The following GMDS variants were observed in gnomAD, a reference collection of about 807,000 sequenced individuals.
The protein encoded by GMDS is GDP-mannose 4,6 dehydratase.
Under a neutral mutation model 49.9 loss-of-function variants are expected in GMDS, and 20 were observed. The observed-to-expected ratio is 0.40, with a 90% CI of 0.28 to 0.58. GMDS has a LOEUF of 0.58. Among genes scored for constraint, GMDS ranks in the 20% least tolerant of loss-of-function variants. The pLI is 0.42. For missense variants in GMDS, 362 were observed against 481.4 expected, an observed-to-expected ratio of 0.75 and a Z score of 2.32; for synonymous variants, 177 against 178.6, an observed-to-expected ratio of 0.99 and a Z score of 0.07.
chr6:1,773,966 T>A lies in GMDS; in HGVS notation c.772-31380A>T, dbSNP rs560883645. 2.0e-5 allele frequency among the ~76,000 whole-genome samples: 3 copies of A among 152,288 alleles called. No individual in the cohort carries two copies. In the East Asian group the frequency reaches 5.8e-4, roughly 29 times the overall value. ...TTGAAAAACAGGAACTAAACTGAAT[T>A]TTGAGTAGTAGCTTTAATTTAAAGC... On this transcript the variant is annotated intron_variant, in intron 7 of 10. Transcript: ENST00000380815.
intron 7 of GMDS, among the ~76,000 whole-genome samples, chr6:1,875,317 TACACAC>T (rs56053544): frequency 0.38 from 56,330 of 149,816 alleles, 11,322 homozygotes; most frequent in African/African-American, 0.54. Context: ...TTTTTGTATT[TACACAC>T]ACACACACAC....
intron 8 of GMDS, among the ~76,000 whole-genome samples, chr6:1,742,236 A>G (rs1767302745): frequency 6.6e-6 from 1 of 152,162 alleles, no homozygotes; most frequent in South Asian, 2.1e-4. Flanking sequence ...ATCTTAAAAG[A>G]AAGATGAAAG....
At chr6:1,745,688 A>G (rs1252401427) in intron 7 of GMDS, among the ~76,000 whole-genome samples, 1 of 152,196 alleles carries the variant, frequency 6.6e-6, no homozygotes, top group African/African-American at 2.4e-5. Flanking sequence ...TCTAAAGTTC[A>G]TATTGTACCA....
intron 4 of GMDS, among the ~76,000 whole-genome samples, chr6:2,017,733 T>C (rs1269144589): frequency 6.6e-6 from 1 of 152,218 alleles, no homozygotes; most frequent in African/African-American, 2.4e-5. Flanking sequence ...GACTGAAGTC[T>C]TAATCATGGA....
intron 3 of GMDS, 143 bp from the exon 4 acceptor site, chr6:2,116,023 C>G (rs1230630081): frequency 1.7e-6 from 1 of 576,890 alleles, no homozygotes; most frequent in Non-Finnish European, 3.1e-6. Context: ...TCTGGAGTAG[C>G]AGAATATAAC....
intron 9 of GMDS, among the ~76,000 whole-genome samples, chr6:1,637,787 GC>G (rs1157221614): frequency 6.6e-6 from 1 of 152,208 alleles, no homozygotes; most frequent in Non-Finnish European, 1.5e-5. Context: ...TTCCCCGAGG[GC>G]CCTTAGACCA....
rs1762997995 is a variant in GMDS, at chr6:1,631,465, T to C, written c.988-6925A>G. 2.0e-5 allele frequency among the ~76,000 whole-genome samples: 3 copies of C among 152,140 alleles called. No individual in the cohort carries two copies. The South Asian group carries it at 6.2e-4, about 32-fold the overall frequency. Reference sequence around the variant, plus strand: ...CTTAAGCTTGTTTCCTTCTAGTTTGTTAGGAAATCTACCCACCTCTTAGAA... The same window carrying C: ...CTTAAGCTTGTTTCCTTCTAGTTTGCTAGGAAATCTACCCACCTCTTAGAA... On this transcript the variant is annotated intron_variant, in intron 9 of 10. Transcript: ENST00000380815.
intron 7 of GMDS, among the ~76,000 whole-genome samples, chr6:1,834,928 A>G (rs1756854299): frequency 6.6e-6 from 1 of 152,160 alleles, no homozygotes; most frequent in Non-Finnish European, 1.5e-5. Flanking sequence ...TTTCAACTTA[A>G]TGTCTCTGAG....
At chr6:1,815,458 C>G (rs1020184967) in intron 7 of GMDS, among the ~76,000 whole-genome samples, 49 of 152,314 alleles carry the variant, frequency 3.2e-4, no homozygotes, top group African/African-American at 1.2e-3. Context: ...TTATTGATCC[C>G]ACTGAATAGA....
chr6:2,129,649 A>G (rs1258750177), intron 1 of GMDS, among the ~76,000 whole-genome samples: 1 of 152,206 alleles, frequency 6.6e-6, no homozygotes, highest in African/African-American at 2.4e-5. Context: ...CTTTAACTCC[A>G]TGTTGTCTAA....
chr6:1,974,796 C>G (rs371503241), intron 4 of GMDS, among the ~76,000 whole-genome samples: 1 of 150,950 alleles, frequency 6.6e-6, no homozygotes, highest in African/African-American at 2.4e-5. Context: ...TTTGGGAGGC[C>G]GAGGCGGGCA....
At chr6:2,177,746 A>G (rs1292992723) in intron 1 of GMDS, among the ~76,000 whole-genome samples, 1 of 152,184 alleles carries the variant, frequency 6.6e-6, no homozygotes, top group Non-Finnish European at 1.5e-5. Flanking sequence ...CATACTCAAC[A>G]GGCAAAAGCT....
intron 4 of GMDS, among the ~76,000 whole-genome samples, chr6:2,034,887 G>A (rs547213793): frequency 1.3e-5 from 2 of 152,258 alleles, no homozygotes; most frequent in South Asian, 4.2e-4. Context: ...TGGAAGGTAG[G>A]CATCATTCCC....
chr6:2,128,788 C>A (rs1775584576), intron 1 of GMDS, among the ~76,000 whole-genome samples: 1 of 152,200 alleles, frequency 6.6e-6, no homozygotes, highest in Non-Finnish European at 1.5e-5. Flanking sequence ...AATCAAGTGA[C>A]CCAAATGCAG....
chr6:2,200,986 G>GT, intron 1 of GMDS, among the ~76,000 whole-genome samples: 1 of 144,678 alleles, frequency 6.9e-6, no homozygotes, highest in Non-Finnish European at 1.5e-5. Context: ...CATCCGAGAT[G>GT]AACCAATCTA....
chr6:1,866,790 C>T (rs1459097530), intron 7 of GMDS, among the ~76,000 whole-genome samples: 1 of 152,166 alleles, frequency 6.6e-6, no homozygotes. Flanking sequence ...AGTACACTTG[C>T]CACACAGTGC....
intron 7 of GMDS, among the ~76,000 whole-genome samples, chr6:1,781,659 T>G (rs1012896360): frequency 1.3e-5 from 2 of 152,198 alleles, no homozygotes; most frequent in Non-Finnish European, 2.9e-5. Context: ...CTCTGAATTG[T>G]CAGCCGGGAG....
intron 4 of GMDS, among the ~76,000 whole-genome samples, chr6:2,099,348 A>AAT (rs1773793969): frequency 6.6e-6 from 1 of 152,148 alleles, no homozygotes; most frequent in Non-Finnish European, 1.5e-5. Flanking sequence ...CTATACAGTC[A>AAT]ATATAGTTAC....
intron 7 of GMDS, among the ~76,000 whole-genome samples, chr6:1,909,079 T>C (rs974175962): frequency 6.6e-5 from 10 of 152,220 alleles, no homozygotes; most frequent in Admixed American, 3.3e-4. Flanking sequence ...GGTCAAGTTA[T>C]AAACGTTTAA....
Sources: gnomAD v4.1 joint callset for allele counts (sites outside exome capture counted in the v4.1 genomes callset) on GRCh38, gnomAD v4.1.1 for gene constraint, MANE v1.5 for transcripts, NCBI Gene and HGNC (gene_info 2026-07-23, HGNC 2026-07-21) for gene names.